The following VWA3B variants were observed in gnomAD, a reference collection of about 807,000 sequenced individuals.
The protein encoded by VWA3B is von Willebrand factor A domain-containing protein 3B.
VWA3B carries 138 observed loss-of-function variants against 158.3 expected under a neutral mutation model. The observed-to-expected ratio is 0.87, with a 90% CI of 0.76 to 1.00. The LOEUF (loss-of-function observed/expected upper bound fraction) is 1.00, where lower values mean the gene tolerates loss of function less well. Ranked by LOEUF, VWA3B falls within the 50% of genes least tolerant of loss-of-function variation. The pLI, the probability that VWA3B is intolerant of heterozygous loss-of-function variation, is 0.00. For synonymous variants in VWA3B, 596 were observed against 587.3 expected, an observed-to-expected ratio of 1.01 and a Z score of -0.21; for missense variants, 1,555 against 1,565.1, an observed-to-expected ratio of 0.99 and a Z score of 0.11.
chr2:98,254,250 A>C (rs1686974782), intron 20 of VWA3B, among the ~76,000 whole-genome samples: 1 of 152,056 alleles, frequency 6.6e-6, no homozygotes, highest in Non-Finnish European at 1.5e-5. Flanking sequence ...AGTTTCCAAA[A>C]GCTACGTAGC....
chr2:98,117,347 C>T (rs1674609603), intron 3 of VWA3B, among the ~76,000 whole-genome samples: 1 of 152,160 alleles, frequency 6.6e-6, no homozygotes, highest in Non-Finnish European at 1.5e-5. Context: ...AGCTGATTGG[C>T]TTAGTTTCCG....
At chr2:98,237,185 GA>G (rs1338943941) in intron 19 of VWA3B, among the ~76,000 whole-genome samples, 3 of 152,142 alleles carry the variant, frequency 2.0e-5, no homozygotes, top group Non-Finnish European at 4.4e-5. Context: ...CAAAAACAAC[GA>G]AAATAAGAAT....
intron 4 of VWA3B, among the ~76,000 whole-genome samples, chr2:98,120,220 A>G (rs551549706): frequency 5.3e-5 from 8 of 152,302 alleles, no homozygotes; most frequent in Admixed American, 4.6e-4. Context: ...GGCTTTATAG[A>G]ATTTCCCATA....
chr2:98,252,717 T>G (rs1198010507), intron 20 of VWA3B, among the ~76,000 whole-genome samples: 1 of 152,174 alleles, frequency 6.6e-6, no homozygotes, highest in Non-Finnish European at 1.5e-5. Context: ...ATCTGGTTCT[T>G]CCCACTGCAT....
chr2:98,097,890 G>T (rs1353530898), intron 2 of VWA3B, among the ~76,000 whole-genome samples: 1 of 151,886 alleles, frequency 6.6e-6, no homozygotes, highest in Non-Finnish European at 1.5e-5. Context: ...ATGTTTGTTG[G>T]CCATTTGTAT....
chr2:98,253,559 A>G (rs532769173), intron 20 of VWA3B, among the ~76,000 whole-genome samples: 3 of 152,164 alleles, frequency 2.0e-5, no homozygotes, highest in South Asian at 2.1e-4. Context: ...TCTAAGGTCA[A>G]GGTCACAGCT....
At chr2:98,239,641 G>A (rs529621758) in intron 19 of VWA3B, among the ~76,000 whole-genome samples, 1 of 151,866 alleles carries the variant, frequency 6.6e-6, no homozygotes, top group Admixed American at 6.6e-5. Context: ...CTGGCCAGGT[G>A]CGGTGGCTCA....
intron 14 of VWA3B, among the ~76,000 whole-genome samples, chr2:98,227,453 G>T (rs1020066090): frequency 6.6e-6 from 1 of 152,194 alleles, no homozygotes; most frequent in Non-Finnish European, 1.5e-5. Context: ...GCAAATGTGT[G>T]TAGCTTTATT....
At chr2:98,153,902 C>A (rs1005676417) in intron 7 of VWA3B, among the ~76,000 whole-genome samples, 13 of 152,176 alleles carry the variant, frequency 8.5e-5, no homozygotes, top group Non-Finnish European at 1.6e-4. Context: ...CGCTCTGTCA[C>A]CCAGGCTGGA....
intron 7 of VWA3B, among the ~76,000 whole-genome samples, chr2:98,159,843 C>A (rs374776745): frequency 6.6e-6 from 1 of 151,532 alleles, no homozygotes; most frequent in African/African-American, 2.4e-5. Context: ...CATGGTGAAA[C>A]CCCATCTCTA....
chr2:98,199,149 A>C (rs1682321181), intron 12 of VWA3B, among the ~76,000 whole-genome samples: 1 of 152,028 alleles, frequency 6.6e-6, no homozygotes, highest in African/African-American at 2.4e-5. Flanking sequence ...AAGTTCGTCC[A>C]ACTTATTTCA....
chr2:98,267,360 G>A (rs1229040065), intron 21 of VWA3B, among the ~76,000 whole-genome samples: 1 of 151,948 alleles, frequency 6.6e-6, no homozygotes, highest in Non-Finnish European at 1.5e-5. Flanking sequence ...TTATTGATTT[G>A]CATATATTGA....
intron 1 of VWA3B, among the ~76,000 whole-genome samples, chr2:98,092,285 T>G (rs575347348): frequency 1.3e-5 from 2 of 152,282 alleles, no homozygotes; most frequent in Admixed American, 6.5e-5. Flanking sequence ...AGATGTGTAG[T>G]GAAGGTTCTG....
In VWA3B at chr2:98,228,142, G is replaced by A. The variant is rs1165741804; in HGVS notation, c.2020-60G>A. 1.8e-5 allele frequency: 28 copies of A among 1,514,922 alleles called. No homozygotes were observed. In the East Asian group the frequency reaches 4.4e-4, roughly 24 times the overall value. The allele number at this position is 1,514,922 out of a possible 1,614,324, so 93.8% of individuals were successfully genotyped here. A position where few individuals can be genotyped will look rare whatever the true frequency, so the allele number is the denominator to read the frequency against. ...TTGTCTCTAAAAAGAAAAGAAACAT[G>A]TTTGGAATTTGAGCTCTTTTTATCT... On this transcript the variant is annotated intron_variant, in intron 14 of 27. Transcript: ENST00000477737.
chr2:98,290,786 T>C, intron 23 of VWA3B, 164 bp downstream of exon 23: 3 of 560,218 alleles, frequency 5.4e-6, no homozygotes, highest in Admixed American at 3.9e-5. Context: ...GGCCAGCTCA[T>C]GAAATGAGCG....
rs974989869 is a variant in VWA3B at position 98,125,734 on chromosome 2, G to A, written c.703-2505G>A. On this transcript the variant is annotated intron_variant, in intron 5 of 27. Transcript: ENST00000477737. This position sits in a 1 kb window ranked among gnomAD's most constrained non-coding sequence, Gnocchi z 4.1. ...GGCTGGAGTGCAGTGGCACGATTCG[G>A]CTCACTGCAAGCTCCGCCTCCCAGG... Among the ~76,000 whole-genome samples, 1 of 152,054 alleles carries A rather than the reference G, an allele frequency of 6.6e-6. No individual in the cohort carries two copies. The highest frequency in any genetic ancestry group is 2.4e-5 in the African/African-American group (1 of 41,418).
At chr2:98,320,090 C>A in the VWA3B span, among the ~76,000 whole-genome samples, 2 of 152,060 alleles carry the variant, frequency 1.3e-5, no homozygotes, top group African/African-American at 4.8e-5. Flanking sequence ...ATGGGAGGGG[C>A]CAAGTGGGAG....
chr2:98,107,101 C>G (rs1336030916), intron 2 of VWA3B, among the ~76,000 whole-genome samples: 2 of 151,990 alleles, frequency 1.3e-5, no homozygotes, highest in Non-Finnish European at 2.9e-5. Flanking sequence ...TTGATAGCAT[C>G]CTGTGATATT....
intron 12 of VWA3B, among the ~76,000 whole-genome samples, chr2:98,198,005 A>G (rs983686032): frequency 2.6e-5 from 4 of 151,406 alleles, no homozygotes. Flanking sequence ...AAATATCTAT[A>G]TTATATATTG....
Sources: allele counts gnomAD v4.1 joint callset (sites outside exome capture counted in the v4.1 genomes callset), GRCh38; gene constraint gnomAD v4.1.1; non-coding constraint Gnocchi (gnomAD v3.1); transcripts MANE v1.5; gene names NCBI Gene and HGNC (gene_info 2026-07-23, HGNC 2026-07-21).